CNTN5: variants seen among roughly 807,000 people sequenced by gnomAD.
CNTN5 encodes the protein contactin 5.
Under a neutral mutation model 129.1 loss-of-function variants are expected in CNTN5, and 77 were observed. That is an observed-to-expected ratio of 0.60 (90% CI 0.50 to 0.72). The LOEUF is 0.72. Among genes scored for constraint, CNTN5 ranks in the 30% least tolerant of loss-of-function variants. CNTN5 has a pLI of 0.00. For missense variants in CNTN5, 1,478 were observed against 1,328.8 expected (o/e 1.11, Z -1.75); for synonymous variants, 509 against 465.6 (o/e 1.09, Z -1.20).
intron 3 of CNTN5, among the ~76,000 whole-genome samples, chr11:99,730,853 T>C (rs1482663131): frequency 6.6e-6 from 1 of 152,306 alleles, no homozygotes; most frequent in South Asian, 2.1e-4. Context: ...TTTTTAACTG[T>C]AGTCACTCTG....
intron 9 of CNTN5, among the ~76,000 whole-genome samples, chr11:100,028,903 C>G (rs1235641643): frequency 6.6e-6 from 1 of 152,076 alleles, no homozygotes; most frequent in Non-Finnish European, 1.5e-5. Flanking sequence ...GCTGATTTTA[C>G]TTACTAGGTC....
intron 4 of CNTN5, among the ~76,000 whole-genome samples, chr11:99,828,675 C>T (rs1947044745): frequency 6.6e-6 from 1 of 152,064 alleles, no homozygotes. Flanking sequence ...ATCATGGAAG[C>T]TTTTATCCAA....
intron 1 of CNTN5, among the ~76,000 whole-genome samples, chr11:99,243,742 T>A (rs888888846): frequency 6.6e-5 from 10 of 151,036 alleles, no homozygotes; most frequent in Non-Finnish European, 1.2e-4. Flanking sequence ...GCTTATTTTT[T>A]TTTTTTTTTT....
In CNTN5 at chr11:99,118,648, A is replaced by G. The variant is rs375375252; in HGVS notation, c.-210+97378A>G. 3.2e-4 allele frequency among the ~76,000 whole-genome samples: 48 copies of G among 152,216 alleles called. 1 individual carries two copies. The East Asian group carries it at 4.8e-3, about 15-fold the overall frequency. On this transcript the variant is annotated intron_variant, in intron 1 of 24. Transcript: ENST00000524871. ...TAACGAAAACAAGAACCTGAGTTAA[A>G]ACTCTTTAATTGAAGCTTTTGAAAT...
At chr11:99,771,147 A>T (rs1183776754) in intron 3 of CNTN5, among the ~76,000 whole-genome samples, 1 of 152,038 alleles carries the variant, frequency 6.6e-6, no homozygotes, top group Non-Finnish European at 1.5e-5. Flanking sequence ...TTCTTGTTAA[A>T]TTCTTGGGGT....
intron 8 of CNTN5, among the ~76,000 whole-genome samples, chr11:99,965,208 G>C (rs1239359239): frequency 1.3e-5 from 2 of 152,064 alleles, no homozygotes; most frequent in Non-Finnish European, 1.5e-5. Context: ...GCTAGCTTTT[G>C]AATGTGTTTG....
At chr11:99,714,062 G>C (rs556658288) in intron 3 of CNTN5, among the ~76,000 whole-genome samples, 52 of 151,918 alleles carry the variant, frequency 3.4e-4, no homozygotes, top group African/African-American at 1.2e-3. Flanking sequence ...TTTATTCATA[G>C]AGGTTAAGAA....
chr11:99,489,474 A>G (rs1222748157), intron 2 of CNTN5, among the ~76,000 whole-genome samples: 2 of 152,174 alleles, frequency 1.3e-5, no homozygotes, highest in Non-Finnish European at 2.9e-5. Flanking sequence ...TTTGTCATAT[A>G]TATATTTTAA....
chr11:99,845,052 G>T, intron 5 of CNTN5, 35 bp from the exon 6 acceptor site: 2 of 1,611,546 alleles, frequency 1.2e-6, no homozygotes, highest in Non-Finnish European at 1.7e-6. Flanking sequence ...TCTCAGGGAG[G>T]ATTATACATA....
chr11:99,336,130 C>T (rs1256288166), intron 2 of CNTN5, among the ~76,000 whole-genome samples: 2 of 152,066 alleles, frequency 1.3e-5, no homozygotes, highest in Non-Finnish European at 2.9e-5. Flanking sequence ...CAATAAATGT[C>T]AACTACATTA....
chr11:100,246,229 T>G (rs1464511486), intron 16 of CNTN5, among the ~76,000 whole-genome samples: 1 of 152,164 alleles, frequency 6.6e-6, no homozygotes, highest in Non-Finnish European at 1.5e-5. Flanking sequence ...AAGTACTTTG[T>G]ACATACATCA....
At chr11:99,460,265 GAAATTATTTAA>G (rs1944645916) in intron 2 of CNTN5, among the ~76,000 whole-genome samples, 7 of 151,130 alleles carry the variant, frequency 4.6e-5, no homozygotes, top group Admixed American at 4.6e-4. Context: ...AAATATTTAA[GAAATTATTTAA>G]GAAATATTTA....
chr11:99,367,891 A>G (rs1161608356), intron 2 of CNTN5, among the ~76,000 whole-genome samples: 3 of 152,200 alleles, frequency 2.0e-5, no homozygotes, highest in African/African-American at 7.2e-5. Flanking sequence ...GTTCATTGCC[A>G]TAATACTTAG....
intron 1 of CNTN5, among the ~76,000 whole-genome samples, chr11:99,144,945 A>G (rs1859704516): frequency 6.6e-6 from 1 of 151,834 alleles, no homozygotes; most frequent in South Asian, 2.1e-4. Flanking sequence ...GAGACCTTTT[A>G]TTCCTTCAGA....
At chr11:99,259,322 A>G (rs1591435069) in intron 1 of CNTN5, among the ~76,000 whole-genome samples, 1 of 151,756 alleles carries the variant, frequency 6.6e-6, no homozygotes, top group African/African-American at 2.4e-5. Context: ...ATACCCATAT[A>G]TGTTAGTATG....
rs1555012584 is a variant in CNTN5, at chr11:100,115,136, A to AAAG, written c.1580+40844_1580+40845insGAA. ...ACAGTAAAAAAAAAAAAAAAAAAAA[A>AAAG]AAAGAAAGAAAGAAAGAGACTCTGA... On this transcript the variant is annotated intron_variant, in intron 13 of 24. Transcript: ENST00000524871. Among the ~76,000 whole-genome samples, 515 of 150,038 alleles carry AAAG rather than the reference A, an allele frequency of 3.4e-3. 5 individuals are homozygous for AAAG. The highest frequency in any genetic ancestry group is 0.011 in the African/African-American group (443 of 40,514).
At chr11:99,122,590 A>G (rs996551588) in intron 1 of CNTN5, among the ~76,000 whole-genome samples, 1 of 152,138 alleles carries the variant, frequency 6.6e-6, no homozygotes, top group Non-Finnish European at 1.5e-5. Flanking sequence ...CAGGATTGTT[A>G]TATAAGTAAA....
chr11:99,940,644 G>C (rs1950413738), intron 7 of CNTN5, among the ~76,000 whole-genome samples: 1 of 152,074 alleles, frequency 6.6e-6, no homozygotes, highest in Admixed American at 6.6e-5. Context: ...TGGTGTATGA[G>C]ACAGTTCTTG....
chr11:99,890,342 T>C lies in CNTN5; in HGVS notation c.578-25712T>C, dbSNP rs994939190. 3.9e-5 allele frequency among the ~76,000 whole-genome samples: 6 copies of C among 152,240 alleles called. No homozygotes were observed. In the East Asian group the frequency reaches 9.6e-4, roughly 24 times the overall value. Reference sequence around the variant, plus strand: ...TATCTATGAATCATACTGAAGTATATATATCTCAGTATATAAAGAAATATA... The same window carrying C: ...TATCTATGAATCATACTGAAGTATACATATCTCAGTATATAAAGAAATATA... On this transcript the variant is annotated intron_variant, in intron 6 of 24. Coordinates refer to ENST00000524871, the MANE Select transcript of CNTN5 (RefSeq NM_014361.4).
Sources: gnomAD v4.1 joint callset for allele counts (sites outside exome capture counted in the v4.1 genomes callset) on GRCh38, gnomAD v4.1.1 for gene constraint, MANE v1.5 for transcripts, NCBI Gene and HGNC (gene_info 2026-07-23, HGNC 2026-07-21) for gene names.